Variants in UBE2L3 observed in about 807,000 individuals in gnomAD.
UBE2L3 encodes the protein ubiquitin-conjugating enzyme E2 L3.
In UBE2L3, 1 loss-of-function variant was observed where a neutral mutation model predicts 17.8. That is an observed-to-expected ratio of 0.06 (90% CI 0.02 to 0.27). UBE2L3 has a LOEUF of 0.27. Ranked by LOEUF, UBE2L3 falls within the 10% of genes least tolerant of loss-of-function variation. The pLI is 1.00. For missense variants in UBE2L3, 40 were observed against 192.6 expected (o/e 0.21, Z 4.69); for synonymous variants, 44 against 68.5 (o/e 0.64, Z 1.76).
Position 21,557,608 on chromosome 22 carries a change from C to T in UBE2L3, c.201+7958C>T, listed in dbSNP as rs535113063. ...TGCAATCTTGGCTCACTGCAACCTC[C>T]GCCTCACGGGTTTATGCCATTCTCC... On this transcript the variant is annotated intron_variant, in intron 1 of 3. Transcript: ENST00000458578. 3.7e-4 allele frequency among the ~76,000 whole-genome samples: 57 copies of T among 152,226 alleles called. 1 individual carries two copies. In the East Asian group the frequency reaches 8.9e-3, roughly 24 times the overall value.
rs1480139621 is a variant in UBE2L3, at chr22:21,622,709, C to G, written c.*1040C>G. On this transcript the variant is annotated 3_prime_UTR_variant, in exon 4 of 4. Coordinates refer to ENST00000342192, the MANE Select transcript of UBE2L3 (RefSeq NM_003347.4). Reference sequence around the variant, plus strand: ...TTGTAGGATTGGAATTAGCAGGACTCGGCTATTTAAAGCACCAGTCTGGGG... The same window carrying G: ...TTGTAGGATTGGAATTAGCAGGACTGGGCTATTTAAAGCACCAGTCTGGGG... 1 of 152,846 alleles carries G rather than the reference C, an allele frequency of 6.5e-6. No homozygotes were observed. The highest frequency in any genetic ancestry group is 1.5e-5 in the Non-Finnish European group (1 of 68,198). 9.5% of individuals were successfully genotyped at this position (152,846 alleles called of 1,614,324 possible). A position where few individuals can be genotyped will look rare whatever the true frequency, so the allele number is the denominator to read the frequency against.
chr22:21,571,652 G>A (rs898939425), intron 1 of UBE2L3, among the ~76,000 whole-genome samples: 3 of 152,138 alleles, frequency 2.0e-5, no homozygotes, highest in African/African-American at 7.2e-5. Flanking sequence ...TCTGCCCGCC[G>A]AGGCCTCCCG....
intron 2 of UBE2L3, among the ~76,000 whole-genome samples, chr22:21,609,348 A>T (rs1929352081): frequency 6.6e-6 from 1 of 152,228 alleles, no homozygotes; most frequent in Admixed American, 6.5e-5. Context: ...AGCAACCAAG[A>T]TGTCCTTCAG....
chr22:21,616,658 C>CA (rs941408810), intron 3 of UBE2L3, among the ~76,000 whole-genome samples: 3,320 of 92,700 alleles, frequency 0.036, 65 homozygotes, highest in African/African-American at 0.071. Context: ...ACTCCATCTC[C>CA]AAAAAAAAAA....
At chr22:21,604,590 A>G (rs1164598243) in intron 2 of UBE2L3, among the ~76,000 whole-genome samples, 1 of 152,188 alleles carries the variant, frequency 6.6e-6, no homozygotes, top group Admixed American at 6.5e-5. Context: ...GTTTTATAAT[A>G]TATATATTTT....
At chr22:21,563,235 C>T (rs1026541380), upstream of UBE2L3, among the ~76,000 whole-genome samples, 2 of 127,912 alleles carry the variant, frequency 1.6e-5, no homozygotes, top group Non-Finnish European at 3.2e-5. Context: ...GGGCAAGACT[C>T]CGTCTCAAAA....
At chr22:21,586,513 C>T (rs576247664) in intron 1 of UBE2L3, among the ~76,000 whole-genome samples, 6 of 151,238 alleles carry the variant, frequency 4.0e-5, no homozygotes, top group African/African-American at 9.7e-5. Flanking sequence ...TCAAGTGATC[C>T]GCCCACCTCG....
rs1568986913 is a variant in UBE2L3, at chr22:21,611,098, G to A, written c.310+55G>A. 21 of 1,501,466 alleles carry A rather than the reference G, an allele frequency of 1.4e-5. No homozygotes were observed. In the East Asian group the frequency reaches 4.4e-4, roughly 31 times the overall value. 93.0% of individuals were successfully genotyped at this position (1,501,466 alleles called of 1,614,324 possible). A position where few individuals can be genotyped will look rare whatever the true frequency, so the allele number is the denominator to read the frequency against. On this transcript the variant is annotated intron_variant, in intron 3 of 3. Coordinates refer to ENST00000342192, the MANE Select transcript of UBE2L3 (RefSeq NM_003347.4). ...GGGGGTCTTTGGGGGTGCTGCTCTG[G>A]GGTGGGGGCTTCTGGTACCAGATCA...
intron 1 of UBE2L3, among the ~76,000 whole-genome samples, chr22:21,578,481 G>A (rs1017059786): frequency 6.6e-6 from 1 of 152,148 alleles, no homozygotes; most frequent in Non-Finnish European, 1.5e-5. Context: ...GGCTTTGTGT[G>A]GTTGAGTCTG....
intron 3 of UBE2L3, among the ~76,000 whole-genome samples, chr22:21,616,482 C>T (rs1929780948): frequency 6.6e-6 from 1 of 151,908 alleles, no homozygotes; most frequent in South Asian, 2.1e-4. Flanking sequence ...AACCCCGTCC[C>T]TACTAAAAAT....
rs186480853 is a variant in UBE2L3, at chr22:21,618,458, G to A, written c.311-3057G>A. The stretch of plus-strand genomic sequence containing the variant: ...GCAGGTGCCTGTAATCCCACTACCC[G>A]GGAGGCTGAGGCAGGAGAATGGCAT... On this transcript the variant is annotated intron_variant, in intron 3 of 3. Coordinates refer to ENST00000342192, the MANE Select transcript of UBE2L3 (RefSeq NM_003347.4). 8.6e-4 allele frequency among the ~76,000 whole-genome samples: 130 copies of A among 151,976 alleles called. 2 individuals carry two copies. The East Asian group carries it at 0.023, about 27-fold the overall frequency.
chr22:21,573,106 C>T (rs1444714348), intron 1 of UBE2L3, among the ~76,000 whole-genome samples: 1 of 152,136 alleles, frequency 6.6e-6, no homozygotes, highest in African/African-American at 2.4e-5. Flanking sequence ...GGTCAGCGCA[C>T]TCTCTGTCCC....
chr22:21,616,302 TAGG>T (rs901264575), intron 3 of UBE2L3, among the ~76,000 whole-genome samples: 1 of 152,122 alleles, frequency 6.6e-6, no homozygotes, highest in South Asian at 2.1e-4. Context: ...TGTCAGGGTC[TAGG>T]AGGAGGAGAA....
intron 1 of UBE2L3, among the ~76,000 whole-genome samples, chr22:21,558,824 G>A (rs1368524974): frequency 6.6e-6 from 1 of 152,108 alleles, no homozygotes; most frequent in Admixed American, 6.6e-5. Context: ...TGTGTTTTCT[G>A]TCTGTTCTTT....
chr22:21,614,327 C>T (rs548973793), intron 3 of UBE2L3, among the ~76,000 whole-genome samples: 4 of 152,138 alleles, frequency 2.6e-5, no homozygotes, highest in South Asian at 4.2e-4. Context: ...CAGTGGCTCA[C>T]GCCTGTAATC....
intron 1 of UBE2L3, among the ~76,000 whole-genome samples, chr22:21,572,465 T>C (rs1927032923): frequency 6.6e-6 from 1 of 151,848 alleles, no homozygotes; most frequent in African/African-American, 2.4e-5. Flanking sequence ...CAAAAACTCT[T>C]GTCTCAGGGT....
intron 2 of UBE2L3, among the ~76,000 whole-genome samples, chr22:21,605,632 A>G (rs546668271): frequency 7.2e-5 from 11 of 151,982 alleles, no homozygotes; most frequent in African/African-American, 9.7e-5. Flanking sequence ...CAGCCTCCCA[A>G]GTAGCTGGGA....
chr22:21,572,422 CAAAAAAAAAA>C (rs140497), intron 1 of UBE2L3, among the ~76,000 whole-genome samples: 5 of 104,804 alleles, frequency 4.8e-5, no homozygotes, highest in Admixed American at 4.4e-4. Context: ...GACTCCGTCT[CAAAAAAAAAA>C]AAAAAAAAAG....
chr22:21,621,397 A>G, intron 3 of UBE2L3, 118 bp from the exon 4 acceptor site: 1 of 1,305,690 alleles, frequency 7.7e-7, no homozygotes. Flanking sequence ...TTGGCTTAAA[A>G]GCACATTAGC....
Sources: gnomAD v4.1 joint callset for allele counts (sites outside exome capture counted in the v4.1 genomes callset) on GRCh38, gnomAD v4.1.1 for gene constraint, MANE v1.5 for transcripts, NCBI Gene and HGNC (gene_info 2026-07-23, HGNC 2026-07-21) for gene names.